The following MAP4 variants were observed in gnomAD, a reference collection of about 807,000 sequenced individuals.
MAP4 encodes the protein microtubule-associated protein 4.
A neutral mutation model predicts 170.2 loss-of-function variants in MAP4; 76 were observed. The ratio of observed to expected loss-of-function variants is 0.45; its 90% confidence interval spans 0.37 to 0.54. The LOEUF is 0.54. MAP4 is among the 20% of genes least tolerant of loss of function. The pLI is 0.00. For missense variants in MAP4, 2,506 were observed against 2,748.0 expected (o/e 0.91, Z 1.97); for synonymous variants, 909 against 994.5 (o/e 0.91, Z 1.62).
At chr3:47,996,429 C>T (rs901107859) in intron 2 of MAP4, among the ~76,000 whole-genome samples, 1 of 151,980 alleles carries the variant, frequency 6.6e-6, no homozygotes, top group South Asian at 2.1e-4. Context: ...AGAACTCTTC[C>T]GATAAGAGAG....
chr3:47,986,555 G>A (rs2100088837), intron 2 of MAP4, among the ~76,000 whole-genome samples: 1 of 152,036 alleles, frequency 6.6e-6, no homozygotes, highest in Admixed American at 6.6e-5. Context: ...TGGCCAGGCT[G>A]GTCTCAAACT....
chr3:48,072,396 G>C (rs1235713296), intron 1 of MAP4, among the ~76,000 whole-genome samples: 2 of 151,960 alleles, frequency 1.3e-5, no homozygotes, highest in Admixed American at 6.6e-5. Context: ...AGCTACTTGG[G>C]AGGGTGAGAC....
At chr3:47,959,494 C>T (rs1056340400) in intron 3 of MAP4, among the ~76,000 whole-genome samples, 1 of 151,430 alleles carries the variant, frequency 6.6e-6, no homozygotes, top group African/African-American at 2.4e-5. Context: ...CAGTGGCTCA[C>T]GTCTGTAATC....
At chr3:48,085,782 C>T (rs773345507) in intron 1 of MAP4, among the ~76,000 whole-genome samples, 1 of 152,150 alleles carries the variant, frequency 6.6e-6, no homozygotes, top group Non-Finnish European at 1.5e-5. Context: ...ATTAGCCAGG[C>T]GCGGTGGCTC....
intron 3 of MAP4, among the ~76,000 whole-genome samples, chr3:47,951,856 G>T (rs2100064227): frequency 6.6e-6 from 1 of 150,558 alleles, no homozygotes; most frequent in African/African-American, 2.4e-5. Context: ...GCCCAGTCTG[G>T]AAAGTGAGGA....
intron 1 of MAP4, among the ~76,000 whole-genome samples, chr3:48,009,611 A>G (rs1439163632): frequency 3.3e-5 from 5 of 152,204 alleles, no homozygotes; most frequent in Non-Finnish European, 5.9e-5. Flanking sequence ...CAACTAGGTG[A>G]CAATACTTTG....
At chr3:48,067,323 C>T (rs1469921642) in intron 1 of MAP4, among the ~76,000 whole-genome samples, 2 of 151,940 alleles carry the variant, frequency 1.3e-5, no homozygotes, top group Non-Finnish European at 2.9e-5. Flanking sequence ...TATTATGTTC[C>T]CCTGTATTTT....
At chr3:47,869,177 T>A (rs2086181223) in intron 16 of MAP4, 37 bp downstream of exon 16, 1 of 1,478,010 alleles carries the variant, frequency 6.8e-7, no homozygotes, top group Non-Finnish European at 9.5e-7. Flanking sequence ...TATTTTACCA[T>A]CTTCACCTTG....
Position 47,916,974 on chromosome 3 carries a change from C to T in MAP4, c.853G>A (p.Asp285Asn), listed in dbSNP as rs144928873. 1.9e-4 allele frequency: 310 copies of T among 1,614,098 alleles called. No individual in the cohort carries two copies. The highest frequency in any genetic ancestry group is 2.5e-4 in the Non-Finnish European group (299 of 1,180,046). Residue 285 changes from aspartate (D) to asparagine (N), a missense_variant, in exon 7 of 21, where the codon GAT (aspartate) becomes AAT (asparagine). Asp to Asn is a conservative substitution (Grantham distance 23). Transcript: ENST00000683076. Reference sequence around the variant, plus strand: ...TGCATGTCCTTGGCCAGTGTCACATCTAATTTGGTGGGTGATTCCATATCT... The same window carrying T: ...TGCATGTCCTTGGCCAGTGTCACATTTAATTTGGTGGGTGATTCCATATCT... Reference protein sequence around the residue: ...AKDMESPTKLDVTLAKDMQPS... With the variant: ...AKDMESPTKLNVTLAKDMQPS...
intron 7 of MAP4, among the ~76,000 whole-genome samples, chr3:47,915,244 G>A (rs1291489409): frequency 2.0e-5 from 3 of 151,922 alleles, no homozygotes; most frequent in African/African-American, 7.3e-5. Context: ...AGCCTCCCGA[G>A]TAGCTGGGAT....
chr3:47,891,384 TC>T, intron 10 of MAP4: 1 of 1,536,048 alleles, frequency 6.5e-7, no homozygotes, highest in Non-Finnish European at 8.7e-7. Flanking sequence ...TTCCCAGGGC[TC>T]AATTTGTAGC....
intron 10 of MAP4, among the ~76,000 whole-genome samples, chr3:47,879,277 C>T (rs1050888787): frequency 5.3e-5 from 8 of 151,336 alleles, no homozygotes; most frequent in African/African-American, 1.7e-4. Context: ...TAATGTGAAA[C>T]TATTTGTCTT....
chr3:47,853,761 TG>T (rs917400628), intron 19 of MAP4, among the ~76,000 whole-genome samples: 1 of 140,122 alleles, frequency 7.1e-6, no homozygotes, highest in Non-Finnish European at 1.6e-5. Context: ...GGCCACCCCC[TG>T]CACACAGAGT....
chr3:47,938,260 C>G (rs529382267), intron 3 of MAP4, among the ~76,000 whole-genome samples: 1 of 151,858 alleles, frequency 6.6e-6, no homozygotes, highest in African/African-American at 2.4e-5. Context: ...TAATCCTACT[C>G]GGGAGGCTGA....
At chr3:48,061,137 G>A (rs562990756) in intron 1 of MAP4, among the ~76,000 whole-genome samples, 46 of 151,914 alleles carry the variant, frequency 3.0e-4, no homozygotes, top group South Asian at 1.0e-3. Context: ...GAGCCACCGC[G>A]CCTGGACCCA....
intron 4 of MAP4, among the ~76,000 whole-genome samples, chr3:47,924,343 G>A (rs938000785): frequency 6.6e-6 from 1 of 152,020 alleles, no homozygotes; most frequent in Non-Finnish European, 1.5e-5. Flanking sequence ...TCCATCTATA[G>A]GTTGATGACA....
At chr3:47,890,749 A>C in intron 10 of MAP4, among the ~76,000 whole-genome samples, 1 of 152,054 alleles carries the variant, frequency 6.6e-6, no homozygotes. Context: ...TTTTATACCC[A>C]CCATTCTCTG....
intron 1 of MAP4, among the ~76,000 whole-genome samples, chr3:48,067,709 G>A (rs1346619478): frequency 1.3e-5 from 2 of 150,866 alleles, no homozygotes; most frequent in African/African-American, 2.4e-5. Flanking sequence ...GCACAATCTC[G>A]GCTCACTGCA....
At chr3:48,003,453 CAAAAA>C (rs201694525) in intron 1 of MAP4, among the ~76,000 whole-genome samples, 17 of 111,884 alleles carry the variant, frequency 1.5e-4, no homozygotes, top group African/African-American at 3.1e-4. Flanking sequence ...GACTCCTTCT[CAAAAA>C]AAAAAAAAAA....
Sources: allele counts gnomAD v4.1 joint callset (sites outside exome capture counted in the v4.1 genomes callset), GRCh38; gene constraint gnomAD v4.1.1; transcripts MANE v1.5; gene names NCBI Gene and HGNC (gene_info 2026-07-23, HGNC 2026-07-21).